FBXO42: variants seen among roughly 807,000 people sequenced by gnomAD.
The protein encoded by FBXO42 is F-box protein 42.
A neutral mutation model predicts 71.7 loss-of-function variants in FBXO42; 12 were observed. That is an observed-to-expected ratio of 0.17 (90% confidence interval 0.11 to 0.27). FBXO42 has a LOEUF of 0.27. Ranked by LOEUF, FBXO42 falls within the 10% of genes least tolerant of loss-of-function variation. FBXO42 has a pLI of 1.00. For synonymous variants in FBXO42, 325 were observed against 327.5 expected, an observed-to-expected ratio of 0.99 and a Z score of 0.08; for missense variants, 707 against 911.9, an observed-to-expected ratio of 0.78 and a Z score of 2.89.
At chr1:16,321,566 A>T (rs2082409279) in intron 1 of FBXO42, among the ~76,000 whole-genome samples, 1 of 152,128 alleles carries the variant, frequency 6.6e-6, no homozygotes. Context: ...AATGTACTGG[A>T]ATCTGAACTC....
At chr1:16,290,767 A>G (rs1056416246) in intron 4 of FBXO42, among the ~76,000 whole-genome samples, 11 of 151,824 alleles carry the variant, frequency 7.2e-5, no homozygotes, top group East Asian at 1.9e-4. Context: ...TCTGCAAACC[A>G]GGAGCTGGGA....
At chr1:16,277,669 G>A (rs1405407709) in intron 4 of FBXO42, among the ~76,000 whole-genome samples, 1 of 149,424 alleles carries the variant, frequency 6.7e-6, no homozygotes, top group Non-Finnish European at 1.5e-5. Context: ...AGGTTGCAAT[G>A]AGCCGAAATT....
chr1:16,315,552 CTT>C (rs1340650593), intron 1 of FBXO42, 117 bp from the exon 2 acceptor site: 45 of 1,000,816 alleles, frequency 4.5e-5, no homozygotes, highest in Non-Finnish European at 5.9e-5. Flanking sequence ...GAAATCTGCT[CTT>C]CAGCACTTTC....
chr1:16,341,609 TAAAAAAA>T (rs34904915), intron 1 of FBXO42, among the ~76,000 whole-genome samples: 2 of 113,282 alleles, frequency 1.8e-5, no homozygotes, highest in African/African-American at 7.1e-5. Flanking sequence ...CTGCGTCTTT[TAAAAAAA>T]AAAAAAAAAA....
intron 1 of FBXO42, among the ~76,000 whole-genome samples, chr1:16,339,501 CAG>C (rs1369875569): frequency 6.6e-6 from 1 of 151,610 alleles, no homozygotes; most frequent in Non-Finnish European, 1.5e-5. Context: ...TCAGTAGAGA[CAG>C]AGTTTCACCA....
Position 16,347,593 on chromosome 1 carries a change from G to A in FBXO42, c.-18+4662C>T, listed in dbSNP as rs546636366. Among the ~76,000 whole-genome samples the A allele has an allele frequency of 3.3e-5, 5 of 152,268 alleles. No homozygotes were observed. In the East Asian group the frequency reaches 5.8e-4, roughly 18 times the overall value. The stretch of plus-strand genomic sequence containing the variant: ...TTTCAGGCAGGGCACTGTGGCTCAC[G>A]CCTGTAATCCCAGCACTTTGGGAGG... On this transcript the variant is annotated intron_variant, in intron 1 of 9. Coordinates refer to ENST00000375592, the MANE Select transcript of FBXO42 (RefSeq NM_018994.3).
chr1:16,332,545 CT>C (rs796485216), intron 1 of FBXO42, among the ~76,000 whole-genome samples: 190 of 141,612 alleles, frequency 1.3e-3, no homozygotes, highest in Non-Finnish European at 1.6e-3. Context: ...ATTTCTTTTC[CT>C]TTTTTTTTTT....
At chr1:16,313,274 A>AGAAAG (rs61283650) in intron 2 of FBXO42, among the ~76,000 whole-genome samples, 2 of 149,484 alleles carry the variant, frequency 1.3e-5, no homozygotes, top group African/African-American at 5.0e-5. Context: ...AAATAAAAAA[A>AGAAAG]AAAGAAAGAA....
chr1:16,306,758 G>A (rs1013055884), intron 2 of FBXO42, among the ~76,000 whole-genome samples: 2 of 152,130 alleles, frequency 1.3e-5, no homozygotes, highest in African/African-American at 2.4e-5. Context: ...GCAGTGGCAT[G>A]CATGACTTTA....
intron 1 of FBXO42, among the ~76,000 whole-genome samples, chr1:16,349,154 T>A (rs929721563): frequency 6.6e-6 from 1 of 152,188 alleles, no homozygotes; most frequent in African/African-American, 2.4e-5. Context: ...TGACAGAATT[T>A]TTTTTCAAGT....
intron 1 of FBXO42, among the ~76,000 whole-genome samples, chr1:16,326,044 G>GTGTGTGTGTGTGTC (rs1406695935): frequency 4.0e-5 from 6 of 150,198 alleles, no homozygotes; most frequent in South Asian, 2.1e-4. Context: ...GTGTGTGTGT[G>GTGTGTGTGTGTGTC]TGTGTCTGTG....
chr1:16,263,321 C>T (rs1426872139), intron 4 of FBXO42, among the ~76,000 whole-genome samples: 1 of 151,800 alleles, frequency 6.6e-6, no homozygotes, highest in East Asian at 1.9e-4. Flanking sequence ...GTGGCAGGTG[C>T]CTTGTAGTCC....
At position 16,305,796 on chromosome 1, in the gene FBXO42, T is replaced by C. The variant is rs1438211642; in HGVS notation, c.367+7A>G. ...GGGTGGAATCTGCTTTCACAGTAAA[T>C]ACTTACTGTGCGAGAAGCGCTGAGT... On this transcript the variant is annotated splice_region_variant and intron_variant, in intron 3 of 9. Transcript: ENST00000375592. The C allele has an allele frequency of 1.9e-6, 3 of 1,608,732 alleles. No individual in the cohort carries two copies. Among genetic ancestry groups the C allele is most frequent in the East Asian group, 2.2e-5 (1 of 44,836 alleles).
intron 1 of FBXO42, among the ~76,000 whole-genome samples, chr1:16,319,553 C>CA (rs544035773): frequency 6.0e-4 from 92 of 152,216 alleles, no homozygotes; most frequent in Non-Finnish European, 1.1e-3. Context: ...GAGAAAGGAG[C>CA]AATTCCCTTC....
intron 4 of FBXO42, among the ~76,000 whole-genome samples, chr1:16,271,600 C>T (rs562715037): frequency 6.6e-6 from 1 of 152,020 alleles, no homozygotes; most frequent in East Asian, 1.9e-4. Context: ...CTTTCTAATA[C>T]CCACTTGTAC....
chr1:16,255,608 T>C, intron 6 of FBXO42, 103 bp downstream of exon 6: 1 of 928,324 alleles, frequency 1.1e-6, no homozygotes, highest in Non-Finnish European at 1.6e-6. Context: ...ATGCTGGGAT[T>C]ACAGGTGTGA....
chr1:16,311,901 A>G (rs1569904309), intron 2 of FBXO42, among the ~76,000 whole-genome samples: 1 of 152,284 alleles, frequency 6.6e-6, no homozygotes, highest in East Asian at 1.9e-4. Flanking sequence ...ATGTCCACAG[A>G]AACACCTGCA....
At chr1:16,319,194 T>G (rs2082393755) in intron 1 of FBXO42, among the ~76,000 whole-genome samples, 1 of 152,128 alleles carries the variant, frequency 6.6e-6, no homozygotes, top group Non-Finnish European at 1.5e-5. Flanking sequence ...CGAAATATAC[T>G]TTGGGGCTTT....
chr1:16,310,529 C>T (rs1424511624), intron 2 of FBXO42, among the ~76,000 whole-genome samples: 1 of 151,958 alleles, frequency 6.6e-6, no homozygotes, highest in Admixed American at 6.6e-5. Context: ...AGACCTTATC[C>T]CCTCCCCAAA....
Sources: gnomAD v4.1 joint callset for allele counts (sites outside exome capture counted in the v4.1 genomes callset) on GRCh38, gnomAD v4.1.1 for gene constraint, MANE v1.5 for transcripts, NCBI Gene and HGNC (gene_info 2026-07-23, HGNC 2026-07-21) for gene names.